Variants in PARD3B observed in about 807,000 individuals in gnomAD.
PARD3B encodes par-3 family cell polarity regulator beta.
A neutral mutation model predicts 130.2 loss-of-function variants in PARD3B; 103 were observed. That is an observed-to-expected ratio of 0.79 (90% confidence interval 0.67 to 0.93). The LOEUF (loss-of-function observed/expected upper bound fraction) is 0.93. PARD3B is among the 40% of genes least tolerant of loss of function. The pLI is 0.00. For synonymous variants in PARD3B, 583 were observed against 553.2 expected (o/e 1.05, Z -0.76); for missense variants, 1,609 against 1,499.2 (o/e 1.07, Z -1.21).
chr2:204,683,670 A>G (rs1352249719), intron 1 of PARD3B, among the ~76,000 whole-genome samples: 2 of 152,020 alleles, frequency 1.3e-5, no homozygotes, highest in South Asian at 2.1e-4. Context: ...CTGATTTCCT[A>G]TGGCTTGTCT....
At chr2:204,773,382 A>G (rs1277688387) in intron 2 of PARD3B, among the ~76,000 whole-genome samples, 1 of 151,446 alleles carries the variant, frequency 6.6e-6, no homozygotes, top group Admixed American at 6.6e-5. Flanking sequence ...ATTTGCAAAT[A>G]TTTGCATATA....
chr2:205,124,240 C>G, intron 8 of PARD3B, 87 bp from the exon 9 acceptor site: 1 of 1,087,920 alleles, frequency 9.2e-7, no homozygotes, highest in Non-Finnish European at 1.2e-6. Flanking sequence ...CTATATTAGT[C>G]TAAATTAGGT....
intron 2 of PARD3B, among the ~76,000 whole-genome samples, chr2:204,880,137 C>T (rs1464895649): frequency 6.6e-6 from 1 of 152,166 alleles, no homozygotes; most frequent in Admixed American, 6.5e-5. Flanking sequence ...ATTTTCCAGA[C>T]TACCAACTCC....
intron 15 of PARD3B, among the ~76,000 whole-genome samples, chr2:205,240,174 G>A (rs1262346381): frequency 6.6e-6 from 1 of 152,068 alleles, no homozygotes; most frequent in Admixed American, 6.6e-5. Context: ...TAGAAATTCT[G>A]GAAATCAATC....
intron 22 of PARD3B, among the ~76,000 whole-genome samples, chr2:205,560,547 A>G (rs1178466889): frequency 2.0e-5 from 3 of 152,170 alleles, no homozygotes; most frequent in Non-Finnish European, 4.4e-5. Context: ...TAAGATTAGA[A>G]ATAATATCTC....
chr2:205,316,647 TA>T (rs1384684752), intron 18 of PARD3B, among the ~76,000 whole-genome samples: 1 of 152,168 alleles, frequency 6.6e-6, no homozygotes, highest in Non-Finnish European at 1.5e-5. Context: ...AAGTAAGAGC[TA>T]AACTGTTAGG....
At chr2:204,953,103 C>A (rs1689930481) in intron 2 of PARD3B, among the ~76,000 whole-genome samples, 1 of 145,910 alleles carries the variant, frequency 6.9e-6, no homozygotes. Context: ...GTCAATGTCA[C>A]TAGTAATAAT....
At chr2:204,709,235 A>C (rs2038322675) in intron 2 of PARD3B, among the ~76,000 whole-genome samples, 1 of 152,208 alleles carries the variant, frequency 6.6e-6, no homozygotes, top group Admixed American at 6.5e-5. Context: ...GAGTTCAAGA[A>C]TGTTTAGGTT....
chr2:205,100,794 AG>A (rs2125563836), intron 4 of PARD3B, among the ~76,000 whole-genome samples: 1 of 152,302 alleles, frequency 6.6e-6, no homozygotes, highest in African/African-American at 2.4e-5. Context: ...CCACATGCAA[AG>A]AATGAATTTG....
At chr2:204,759,765 T>C (rs1027492258) in intron 2 of PARD3B, among the ~76,000 whole-genome samples, 1 of 152,146 alleles carries the variant, frequency 6.6e-6, no homozygotes, top group Non-Finnish European at 1.5e-5. Context: ...TTCCCACAAC[T>C]GTTTATGTGA....
intron 20 of PARD3B, among the ~76,000 whole-genome samples, chr2:205,467,678 C>A (rs898985105): frequency 6.6e-6 from 1 of 152,130 alleles, no homozygotes; most frequent in Non-Finnish European, 1.5e-5. Context: ...TCAGAAGTGG[C>A]TATTGGCTGC....
intron 2 of PARD3B, among the ~76,000 whole-genome samples, chr2:204,808,619 T>A (rs980324417): frequency 3.9e-5 from 6 of 152,196 alleles, no homozygotes; most frequent in Non-Finnish European, 8.8e-5. Flanking sequence ...TTGCTAAGGA[T>A]GATGGCCTCT....
chr2:204,881,006 T>A (rs999144275), intron 2 of PARD3B, among the ~76,000 whole-genome samples: 1 of 152,152 alleles, frequency 6.6e-6, no homozygotes, highest in Non-Finnish European at 1.5e-5. Flanking sequence ...GAATTACCTG[T>A]TGTGTAGGGT....
At chr2:205,582,042 G>A (rs1167469430) in intron 22 of PARD3B, among the ~76,000 whole-genome samples, 2 of 152,158 alleles carry the variant, frequency 1.3e-5, no homozygotes, top group Non-Finnish European at 2.9e-5. Context: ...CATCCCTCAT[G>A]CAATCAGTCC....
intron 21 of PARD3B, among the ~76,000 whole-genome samples, chr2:205,514,597 T>C (rs903615931): frequency 2.5e-5 from 3 of 122,438 alleles, no homozygotes; most frequent in Non-Finnish European, 5.9e-5. Flanking sequence ...TAGATACATA[T>C]GGATAGAAAT....
In PARD3B at chr2:205,351,798, CAAGAA is replaced by C. The variant is rs1161615862; in HGVS notation, c.2631-49212_2631-49208del. Among the ~76,000 whole-genome samples the C allele has an allele frequency of 1.2e-5, 1 of 86,818 alleles. No homozygotes were observed. Among genetic ancestry groups the C allele is most frequent in the East Asian group, 3.6e-4 (1 of 2,784 alleles). 57.0% of individuals were successfully genotyped at this position (86,818 alleles called of 152,430 possible). A position where few individuals can be genotyped will look rare whatever the true frequency, so the allele number is the denominator to read the frequency against. On this transcript the variant is annotated intron_variant, in intron 18 of 22. Coordinates refer to ENST00000406610, the MANE Select transcript of PARD3B (RefSeq NM_001302769.2). The surrounding 1 kb of genome is among the most constrained non-coding windows in gnomAD (Gnocchi z 4.2). ...AAGTAAGTGTAATGTAGGGCAGAAA[CAAGAA>C]AAAAAAAAAACGTTGGCTTCCAGAG... is the stretch of plus-strand genomic sequence containing the variant.
chr2:204,584,232 G>C (rs1371896713), intron 1 of PARD3B, among the ~76,000 whole-genome samples: 1 of 152,216 alleles, frequency 6.6e-6, no homozygotes, highest in East Asian at 1.9e-4. Context: ...AATAGGGCCA[G>C]ACCTTGGATC....
At chr2:204,787,390 G>A (rs1167324895) in intron 2 of PARD3B, among the ~76,000 whole-genome samples, 6 of 152,122 alleles carry the variant, frequency 3.9e-5, no homozygotes, top group Admixed American at 3.9e-4. Context: ...GGAATGTGAG[G>A]AGGAGGTGTA....
rs560573687 is a variant in PARD3B, at chr2:205,398,296, C to T, written c.2631-2717C>T. Among the ~76,000 whole-genome samples the T allele has an allele frequency of 6.2e-4, 89 of 143,434 alleles. 1 individual carries two copies. Among genetic ancestry groups the T allele is most frequent in the African/African-American group, 2.3e-3 (78 of 34,252 alleles). 94.1% of individuals were successfully genotyped at this position (143,434 alleles called of 152,430 possible). On this transcript the variant is annotated intron_variant, in intron 18 of 22. Coordinates refer to ENST00000406610, the MANE Select transcript of PARD3B (RefSeq NM_001302769.2). ...AACCTCAGTAACAAGAGTGAAACAACGTCTCAACAAAAAAAGAAAGAAAGT... is the reference window on the plus strand; with the variant it reads ...AACCTCAGTAACAAGAGTGAAACAATGTCTCAACAAAAAAAGAAAGAAAGT...
Sources: allele counts gnomAD v4.1 joint callset (sites outside exome capture counted in the v4.1 genomes callset), GRCh38; gene constraint gnomAD v4.1.1; non-coding constraint Gnocchi (gnomAD v3.1); transcripts MANE v1.5; gene names NCBI Gene and HGNC (gene_info 2026-07-23, HGNC 2026-07-21).